Variants in LHFPL6 observed in about 807,000 individuals in gnomAD.
LHFPL6 encodes LHFPL tetraspan subfamily member 6 protein.
A neutral mutation model predicts 20.6 loss-of-function variants in LHFPL6; 9 were observed. That is an observed-to-expected ratio of 0.44 (90% CI 0.26 to 0.76). The LOEUF is 0.76. Among genes scored for constraint, LHFPL6 ranks in the 30% least tolerant of loss-of-function variants. The pLI, the probability that LHFPL6 is intolerant of heterozygous loss-of-function variation, is 0.20. For synonymous variants in LHFPL6, 105 were observed against 98.7 expected (o/e 1.06, Z -0.38); for missense variants, 218 against 253.5 (o/e 0.86, Z 0.95).
At chr13:39,385,200 G>T (rs1222455979) in intron 2 of LHFPL6, among the ~76,000 whole-genome samples, 1 of 152,214 alleles carries the variant, frequency 6.6e-6, no homozygotes, top group African/African-American at 2.4e-5. Context: ...GTAGAGAGAT[G>T]CTGCCTCCTA....
In LHFPL6 at chr13:39,513,386, C is replaced by T. The variant is rs556139933; in HGVS notation, c.385+87446G>A. 5.3e-5 allele frequency among the ~76,000 whole-genome samples: 8 copies of T among 152,306 alleles called. No homozygotes were observed. The East Asian group carries it at 1.5e-3, about 29-fold the overall frequency. On this transcript the variant is annotated intron_variant, in intron 2 of 3. Transcript: ENST00000379589. ...ACTCCCAAGTTTGTATTATCTTCTA[C>T]ATTCAGTCTTACTTTTGGCTTCTTT...
At chr13:39,369,140 G>C (rs1460374944) in intron 3 of LHFPL6, among the ~76,000 whole-genome samples, 1 of 149,158 alleles carries the variant, frequency 6.7e-6, no homozygotes, top group Non-Finnish European at 1.5e-5. Flanking sequence ...CTTTAAAAGA[G>C]AGACTAGCAT....
intron 2 of LHFPL6, among the ~76,000 whole-genome samples, chr13:39,586,682 TATTCCCA>T (rs1419137126): frequency 2.0e-5 from 3 of 152,236 alleles, no homozygotes; most frequent in Admixed American, 1.3e-4. Context: ...CTTTTCTTTC[TATTCCCA>T]CAGCTTCACT....
intron 2 of LHFPL6, among the ~76,000 whole-genome samples, chr13:39,383,318 T>G (rs1476479416): frequency 6.6e-6 from 1 of 152,194 alleles, no homozygotes; most frequent in Non-Finnish European, 1.5e-5. Flanking sequence ...TAAATGGAAG[T>G]GGAGAGGGAG....
chr13:39,485,219 T>A (rs1011784908), intron 2 of LHFPL6, among the ~76,000 whole-genome samples: 10 of 152,140 alleles, frequency 6.6e-5, no homozygotes, highest in African/African-American at 2.4e-4. Flanking sequence ...GGAGAAATGT[T>A]TTGGGCTGTA....
intron 2 of LHFPL6, among the ~76,000 whole-genome samples, chr13:39,583,618 G>A (rs910431749): frequency 6.6e-6 from 1 of 152,084 alleles, no homozygotes; most frequent in Non-Finnish European, 1.5e-5. Context: ...TACCTCACAA[G>A]GACTAGCATA....
intron 2 of LHFPL6, among the ~76,000 whole-genome samples, chr13:39,441,059 TTA>T (rs1353451398): frequency 6.6e-6 from 1 of 152,038 alleles, no homozygotes; most frequent in Non-Finnish European, 1.5e-5. Context: ...AGGTATGTCT[TTA>T]ACAGCAGCAT....
At chr13:39,472,765 C>T (rs547981645) in intron 2 of LHFPL6, among the ~76,000 whole-genome samples, 26 of 152,158 alleles carry the variant, frequency 1.7e-4, no homozygotes, top group African/African-American at 3.9e-4. Flanking sequence ...CCCGACACCA[C>T]GCCCAGCTAA....
At chr13:39,352,901 A>ATATAAATG (rs1566091620) in intron 3 of LHFPL6, among the ~76,000 whole-genome samples, 1 of 35,404 alleles carries the variant, frequency 2.8e-5, no homozygotes, top group Non-Finnish European at 6.0e-5. Context: ...ATGTGTATAT[A>ATATAAATG]TATATAAATG....
chr13:39,474,926 GA>G (rs1873045193), intron 2 of LHFPL6, among the ~76,000 whole-genome samples: 2 of 152,330 alleles, frequency 1.3e-5, no homozygotes, highest in South Asian at 2.1e-4. Flanking sequence ...ATTCTTCAAA[GA>G]AGGATGTTGT....
At chr13:39,510,374 C>T (rs997943966) in intron 2 of LHFPL6, among the ~76,000 whole-genome samples, 17 of 152,148 alleles carry the variant, frequency 1.1e-4, no homozygotes, top group African/African-American at 3.9e-4. Context: ...TAACTTTTGC[C>T]CTGGGGCAAA....
intron 2 of LHFPL6, among the ~76,000 whole-genome samples, chr13:39,415,182 T>C (rs959774784): frequency 6.6e-6 from 1 of 152,214 alleles, no homozygotes; most frequent in African/African-American, 2.4e-5. Flanking sequence ...AAAAATACCA[T>C]GACTGAGCTG....
At chr13:39,557,741 G>A (rs537170782) in intron 2 of LHFPL6, among the ~76,000 whole-genome samples, 21 of 152,302 alleles carry the variant, frequency 1.4e-4, no homozygotes, top group African/African-American at 3.6e-4. Flanking sequence ...GGGAGGTGTC[G>A]GATAGTAACA....
chr13:39,433,503 C>G (rs961312628), intron 2 of LHFPL6, among the ~76,000 whole-genome samples: 1 of 151,966 alleles, frequency 6.6e-6, no homozygotes, highest in East Asian at 1.9e-4. Flanking sequence ...CAAAAAGCAC[C>G]GATTAAGCCA....
At chr13:39,442,606 A>T (rs186884281) in intron 2 of LHFPL6, among the ~76,000 whole-genome samples, 4 of 152,348 alleles carry the variant, frequency 2.6e-5, no homozygotes. Flanking sequence ...TTAGCTATGT[A>T]GCTCTAAGTG....
chr13:39,352,960 T>C (rs9594328), intron 3 of LHFPL6, among the ~76,000 whole-genome samples: 2,494 of 86,230 alleles, frequency 0.029, 222 homozygotes, highest in East Asian at 0.095. Flanking sequence ...TATACATACA[T>C]ACACACACAC....
chr13:39,442,573 C>A (rs890413770), intron 2 of LHFPL6, among the ~76,000 whole-genome samples: 5 of 152,128 alleles, frequency 3.3e-5, no homozygotes, highest in African/African-American at 9.7e-5. Flanking sequence ...GGAGACAGAA[C>A]CAATTCTGGG....
At chr13:39,451,741 C>A (rs978100913) in intron 2 of LHFPL6, among the ~76,000 whole-genome samples, 5 of 152,112 alleles carry the variant, frequency 3.3e-5, no homozygotes, top group Non-Finnish European at 7.4e-5. Context: ...GTAGGTTGAG[C>A]CAAATAGATT....
chr13:39,437,728 C>T (rs974915582), intron 2 of LHFPL6, among the ~76,000 whole-genome samples: 14 of 152,102 alleles, frequency 9.2e-5, no homozygotes, highest in Non-Finnish European at 1.9e-4. Context: ...CTGTGAAACC[C>T]CATCTCTACT....
Sources: allele counts gnomAD v4.1 joint callset (sites outside exome capture counted in the v4.1 genomes callset), GRCh38; gene constraint gnomAD v4.1.1; transcripts MANE v1.5; gene names NCBI Gene and HGNC (gene_info 2026-07-23, HGNC 2026-07-21).